The following ARHGAP21 variants were observed in gnomAD, a reference collection of about 807,000 sequenced individuals.
The protein encoded by ARHGAP21 is rho GTPase-activating protein 21.
In ARHGAP21, 38 loss-of-function variants were observed where a neutral mutation model predicts 164.6. The ratio of observed to expected loss-of-function variants is 0.23; its 90% confidence interval spans 0.18 to 0.30. The LOEUF (loss-of-function observed/expected upper bound fraction) is 0.30. Among genes scored for constraint, ARHGAP21 ranks in the 10% least tolerant of loss-of-function variants. The pLI is 1.00. For missense variants in ARHGAP21, 1,822 were observed against 2,370.7 expected, an observed-to-expected ratio of 0.77 and a Z score of 4.81; for synonymous variants, 766 against 857.9, an observed-to-expected ratio of 0.89 and a Z score of 1.87.
At chr10:24,646,354 T>C (rs1593150876) in intron 4 of ARHGAP21, among the ~76,000 whole-genome samples, 1 of 152,196 alleles carries the variant, frequency 6.6e-6, no homozygotes, top group Non-Finnish European at 1.5e-5. Flanking sequence ...CAGCTCAACT[T>C]CTATGAAATC....
intron 21 of ARHGAP21, among the ~76,000 whole-genome samples, chr10:24,593,214 G>T (rs1335287196): frequency 6.6e-6 from 1 of 152,196 alleles, no homozygotes; most frequent in Non-Finnish European, 1.5e-5. Context: ...GGAAGAAGAA[G>T]AAATTGTGTT....
At chr10:24,711,392 C>A (rs1844803478) in intron 2 of ARHGAP21, among the ~76,000 whole-genome samples, 1 of 151,890 alleles carries the variant, frequency 6.6e-6, no homozygotes, top group South Asian at 2.1e-4. Flanking sequence ...GACTAAAGGC[C>A]CAACTATAAT....
chr10:24,659,468 A>C (rs1839447837), intron 4 of ARHGAP21, among the ~76,000 whole-genome samples: 1 of 152,118 alleles, frequency 6.6e-6, no homozygotes, highest in South Asian at 2.1e-4. Context: ...GGCATGTGCC[A>C]CCACACCCGG....
At position 24,667,029 on chromosome 10, in the gene ARHGAP21, T is replaced by C. The variant is rs1328902222; in HGVS notation, c.244-20A>G. ...TTCATCCTACAAATGAAAATATATA[T>C]ATACATATATGAGTACATATTTATA... On this transcript the variant is annotated intron_variant, in intron 3 of 25. Transcript: ENST00000396432. 2.4e-6 allele frequency: 3 copies of C among 1,256,338 alleles called. No individual in the cohort carries two copies. Among genetic ancestry groups the C allele is most frequent in the African/African-American group, 1.5e-5 (1 of 65,512 alleles). 77.8% of individuals were successfully genotyped at this position (1,256,338 alleles called of 1,614,324 possible).
intron 21 of ARHGAP21, among the ~76,000 whole-genome samples, chr10:24,594,523 A>G (rs2076489975): frequency 6.6e-6 from 1 of 152,200 alleles, no homozygotes; most frequent in African/African-American, 2.4e-5. Flanking sequence ...AATATTAGAC[A>G]ATATAAAGAA....
Position 24,722,174 on chromosome 10 carries a change from C to A in ARHGAP21, c.-275G>T. 1 of 483,630 alleles carries A rather than the reference C, an allele frequency of 2.1e-6. No individual in the cohort carries two copies. Among genetic ancestry groups the A allele is most frequent in the South Asian group, 2.1e-5 (1 of 46,514 alleles). 30.0% of individuals were successfully genotyped at this position (483,630 alleles called of 1,614,324 possible). On this transcript the variant is annotated 5_prime_UTR_variant, in exon 2 of 26. Coordinates refer to ENST00000396432, the MANE Select transcript of ARHGAP21 (RefSeq NM_020824.4). The stretch of plus-strand genomic sequence containing the variant: ...GACAGGTCTTCTTGGCAGCCAGTGT[C>A]GAGGCCAATTGCAGAAAGCGGTCCC...
intron 2 of ARHGAP21, among the ~76,000 whole-genome samples, chr10:24,705,760 T>A (rs1844165729): frequency 6.6e-6 from 1 of 152,174 alleles, no homozygotes. Flanking sequence ...ACCTACGAGG[T>A]AAATAATTCA....
At chr10:24,712,261 T>A (rs1303726717) in intron 2 of ARHGAP21, among the ~76,000 whole-genome samples, 1 of 152,030 alleles carries the variant, frequency 6.6e-6, no homozygotes, top group East Asian at 1.9e-4. Context: ...ACATATGACC[T>A]TACAAGAGAA....
At chr10:24,591,181 G>GTAGCTTTCAGCCTAGAGGTCAAGA (rs755418636) in intron 24 of ARHGAP21, 44 bp downstream of exon 24, 2 of 1,435,480 alleles carry the variant, frequency 1.4e-6, no homozygotes, top group South Asian at 2.4e-5. Context: ...TTGTAAGAAT[G>GTAGCTTTCAGCCTAGAGGTCAAGA]TAGCTTTCAG....
Position 24,597,986 on chromosome 10 carries a change from A to G in ARHGAP21, c.3156T>C (p.Asp1052=). 1 of 1,613,312 alleles carries G rather than the reference A, an allele frequency of 6.2e-7. No homozygotes were observed. Among genetic ancestry groups the G allele is most frequent in the South Asian group, 1.1e-5 (1 of 91,038 alleles). The change falls in exon 15 of 26, where the codon GAT becomes GAC. Residue 1052 remains aspartate (D), a synonymous_variant. Coordinates refer to ENST00000396432, the MANE Select transcript of ARHGAP21 (RefSeq NM_020824.4). ...ATTCTTTTATTCTTCGACTAATTAG[A>G]TCCCTGTTAGTGACTCCAGTGTCCT... The part of the protein sequence containing the change: ...NEEDTGVTNR[D]LISRRIKEYN...
chr10:24,646,582 A>AG (rs1382537933), intron 4 of ARHGAP21, among the ~76,000 whole-genome samples: 1 of 152,138 alleles, frequency 6.6e-6, no homozygotes. Flanking sequence ...ACTGCACTCC[A>AG]GCCTGGGAGA....
At chr10:24,586,422 C>T (rs919146318) in intron 25 of ARHGAP21, among the ~76,000 whole-genome samples, 4 of 152,212 alleles carry the variant, frequency 2.6e-5, no homozygotes, top group Non-Finnish European at 4.4e-5. Context: ...GACCTTCCCT[C>T]CTTCCACAGT....
rs1224978410 is a variant in ARHGAP21, at chr10:24,721,846, C to T, written c.54G>A (p.Lys18=). ...CTGGCTCCGCGCTTACCTCGCAGGCCTTGAGCTTGTCACCATCTCCCTCAG... is the reference window on the plus strand; with the variant it reads ...CTGGCTCCGCGCTTACCTCGCAGGCTTTGAGCTTGTCACCATCTCCCTCAG... ...GLSEGDGDKL[K]ACEVSKNKDG... Residue 18 remains lysine (K), a synonymous_variant, in exon 2 of 26, where the codon AAG becomes AAA. Transcript: ENST00000396432. The T allele has an allele frequency of 1.9e-6, 3 of 1,614,140 alleles. No individual in the cohort carries two copies. The South Asian group carries it at 3.3e-5, about 18-fold the overall frequency.
At chr10:24,655,742 C>T (rs1343641679) in intron 4 of ARHGAP21, among the ~76,000 whole-genome samples, 5 of 138,440 alleles carry the variant, frequency 3.6e-5, no homozygotes, top group African/African-American at 5.5e-5. Flanking sequence ...CGTCTCCGCC[C>T]GGCCGCCATC....
Position 24,656,162 on chromosome 10 carries a change from T to TGG in ARHGAP21, c.268+10821_268+10822dup, listed in dbSNP as rs779157011. On this transcript the variant is annotated intron_variant, in intron 4 of 25. Coordinates refer to ENST00000396432, the MANE Select transcript of ARHGAP21 (RefSeq NM_020824.4). ...GCAGCCACCCCGTCCGGGAGGGAGG[T>TGG]GGGGGGGGTCAGCCCCCCGCCCGGC... 5.4e-4 allele frequency among the ~76,000 whole-genome samples: 62 copies of TGG among 115,604 alleles called. 1 individual carries two copies. Among genetic ancestry groups the TGG allele is most frequent in the Admixed American group, 1.1e-3 (14 of 12,460 alleles). The allele number at this position is 115,604 out of a possible 152,430, so 75.8% of individuals were successfully genotyped here. A position where few individuals can be genotyped will look rare whatever the true frequency, so the allele number is the denominator to read the frequency against.
intron 2 of ARHGAP21, among the ~76,000 whole-genome samples, chr10:24,704,795 A>C (rs1465576563): frequency 6.6e-6 from 1 of 151,986 alleles, no homozygotes; most frequent in African/African-American, 2.4e-5. Context: ...TGGTAGAGAT[A>C]GGGTTTCTCC....
chr10:24,647,730 A>T (rs1488359244), intron 4 of ARHGAP21, among the ~76,000 whole-genome samples: 1 of 152,226 alleles, frequency 6.6e-6, no homozygotes, highest in Non-Finnish European at 1.5e-5. Flanking sequence ...GCAATAAAAG[A>T]CAATTTCTAT....
At position 24,656,479 on chromosome 10, in the gene ARHGAP21, C is replaced by T. The variant is rs1453547125; in HGVS notation, c.268+10506G>A. Among the ~76,000 whole-genome samples the T allele has an allele frequency of 1.3e-3, 85 of 63,756 alleles. 2 individuals carry two copies. The highest frequency in any genetic ancestry group is 1.9e-3 in the Non-Finnish European group (58 of 30,914). The allele number at this position is 63,756 out of a possible 152,430, so 41.8% of individuals were successfully genotyped here. ...CCACCCCTACTGTGAAGTGAGGAGC[C>T]CCTCTGCCCGGCCAGCCGCCCCGTC... is the stretch of plus-strand genomic sequence containing the variant. On this transcript the variant is annotated intron_variant, in intron 4 of 25. Transcript: ENST00000396432.
At chr10:24,704,612 C>A in intron 2 of ARHGAP21, among the ~76,000 whole-genome samples, 1 of 151,964 alleles carries the variant, frequency 6.6e-6, no homozygotes, top group Middle Eastern at 3.2e-3. Flanking sequence ...TTATTAGGCA[C>A]ATGCCACCAC....
Sources: allele counts gnomAD v4.1 joint callset (sites outside exome capture counted in the v4.1 genomes callset), GRCh38; gene constraint gnomAD v4.1.1; transcripts MANE v1.5; gene names NCBI Gene and HGNC (gene_info 2026-07-23, HGNC 2026-07-21).